Variants in PSME3IP1 observed in about 807,000 individuals in gnomAD.
PSME3IP1 encodes proteasome activator subunit 3 interacting protein 1.
In PSME3IP1, 13 loss-of-function variants were observed where a neutral mutation model predicts 34.1. The ratio of observed to expected loss-of-function variants is 0.38; its 90% CI spans 0.25 to 0.61. The LOEUF is 0.61. PSME3IP1 is among the 20% of genes least tolerant of loss of function. The pLI is 0.60. For missense variants in PSME3IP1, 237 were observed against 301.4 expected (o/e 0.79, Z 1.58); for synonymous variants, 93 against 114.3 (o/e 0.81, Z 1.19).
chr16:57,162,520 C>T (rs1466677210), intron 6 of PSME3IP1, among the ~76,000 whole-genome samples: 2 of 151,682 alleles, frequency 1.3e-5, no homozygotes, highest in African/African-American at 4.8e-5. Context: ...CAAAAATTAG[C>T]TGGGCGTGGT....
chr16:57,185,694 C>A lies in PSME3IP1; in HGVS notation c.-16+127G>T, dbSNP rs1238379263. ...AGCCCCAGGCTTCGGCTACTCCGGA[C>A]AAGGAGCGGGTGCGCGGACTGAGAA... On this transcript the variant is annotated intron_variant, in intron 1 of 6. Coordinates refer to ENST00000309137, the MANE Select transcript of PSME3IP1 (RefSeq NM_024946.4). The A allele has an allele frequency of 7.1e-6, 7 of 985,446 alleles. No individual in the cohort carries two copies. The African/African-American group carries it at 1.2e-4, about 17-fold the overall frequency. The allele number at this position is 985,446 out of a possible 1,614,324, so 61.0% of individuals were successfully genotyped here.
chr16:57,161,573 G>A (rs1349569277), intron 6 of PSME3IP1, among the ~76,000 whole-genome samples: 9 of 144,268 alleles, frequency 6.2e-5, no homozygotes, highest in Middle Eastern at 3.7e-3. Context: ...GTGCAGTGGC[G>A]TGATCTCTGC....
In PSME3IP1 at chr16:57,182,563, A is replaced by C. The variant is rs562811221; in HGVS notation, c.-16+3258T>G. ...TACCCATTTCCCTTAAAAAAAAAAAAAAAAAAAAAAAAACTTTGCATTACA... is the reference window on the plus strand; with the variant it reads ...TACCCATTTCCCTTAAAAAAAAAAACAAAAAAAAAAAAACTTTGCATTACA... On this transcript the variant is annotated intron_variant, in intron 1 of 6. Transcript: ENST00000309137. 6.5e-4 allele frequency among the ~76,000 whole-genome samples: 98 copies of C among 150,510 alleles called. 1 individual carries two copies. In the East Asian group the frequency reaches 0.015, roughly 24 times the overall value.
At chr16:57,182,867 G>A (rs1050111359) in intron 1 of PSME3IP1, among the ~76,000 whole-genome samples, 2 of 152,100 alleles carry the variant, frequency 1.3e-5, no homozygotes, top group South Asian at 4.1e-4. Flanking sequence ...CCGAGATCGC[G>A]CCACTGCACT....
Position 57,172,584 on chromosome 16 carries a change from T to C in PSME3IP1, c.226+192A>G, listed in dbSNP as rs1385602002. On this transcript the variant is annotated intron_variant, in intron 3 of 6. Transcript: ENST00000309137. The stretch of plus-strand genomic sequence containing the variant: ...TATTACCATAGAATTAAAATGGGTG[T>C]TTTGAGCTCTAAACAAAAATATTCA... Among the ~76,000 whole-genome samples the C allele has an allele frequency of 3.3e-5, 5 of 152,162 alleles. No homozygotes were observed. In the East Asian group the frequency reaches 9.6e-4, roughly 29 times the overall value.
At position 57,154,524 on chromosome 16, in the gene PSME3IP1, A is replaced by G; in HGVS notation, c.548-17T>C. 6.3e-7 allele frequency: 1 copy of G among 1,580,598 alleles called. No individual in the cohort carries two copies. The highest frequency in any genetic ancestry group is 8.6e-7 in the Non-Finnish European group (1 of 1,161,452). On this transcript the variant is annotated splice_polypyrimidine_tract_variant and intron_variant, in intron 6 of 6. Coordinates refer to ENST00000309137, the MANE Select transcript of PSME3IP1 (RefSeq NM_024946.4). This position sits in a 1 kb window ranked among gnomAD's most constrained non-coding sequence, Gnocchi z 4.0. Reference sequence around the variant, plus strand: ...ATGAGGGCTCTGCAATAAAAGGGGAAAGACTGTCACTTCATCACCCTTTTC... The same window carrying G: ...ATGAGGGCTCTGCAATAAAAGGGGAGAGACTGTCACTTCATCACCCTTTTC...
chr16:57,168,999 T>C (rs1346133319), intron 4 of PSME3IP1, among the ~76,000 whole-genome samples: 1 of 152,028 alleles, frequency 6.6e-6, no homozygotes, highest in Non-Finnish European at 1.5e-5. Context: ...ATTTATACAT[T>C]ATTTATACCA....
In PSME3IP1 at chr16:57,153,097, T is replaced by A. The variant is rs187302025; in HGVS notation, c.*1193A>T. Reference sequence around the variant, plus strand: ...ATGCTTATTCTAAAGCAGGAGAGCCTACAGATTGTTGTCAAAGCTCATGTC... The same window carrying A: ...ATGCTTATTCTAAAGCAGGAGAGCCAACAGATTGTTGTCAAAGCTCATGTC... On this transcript the variant is annotated 3_prime_UTR_variant, in exon 7 of 7. Transcript: ENST00000309137. The A allele has an allele frequency of 9.2e-5, 14 of 152,808 alleles. No homozygotes were observed. The East Asian group carries it at 2.3e-3, about 25-fold the overall frequency. The allele number at this position is 152,808 out of a possible 1,614,324, so 9.5% of individuals were successfully genotyped here. A position where few individuals can be genotyped will look rare whatever the true frequency, so the allele number is the denominator to read the frequency against.
At chr16:57,178,817 A>G (rs1385257271) in intron 1 of PSME3IP1, 2 of 985,504 alleles carry the variant, frequency 2.0e-6, no homozygotes, top group Non-Finnish European at 2.4e-6. Context: ...TGATGGAGAC[A>G]GCGTTTTTGT....
chr16:57,179,924 A>C (rs2073538319), intron 1 of PSME3IP1, among the ~76,000 whole-genome samples: 1 of 152,244 alleles, frequency 6.6e-6, no homozygotes, highest in Non-Finnish European at 1.5e-5. Context: ...TATTTCAAAT[A>C]AAGACTTATT....
chr16:57,171,185 C>A (rs920819740), intron 4 of PSME3IP1, among the ~76,000 whole-genome samples: 13 of 152,136 alleles, frequency 8.5e-5, no homozygotes, highest in African/African-American at 3.1e-4. Context: ...CTTGCAAAAT[C>A]TGAGGGCAGA....
chr16:57,154,382 C>CG lies in PSME3IP1; in HGVS notation c.672dup (p.Glu225ArgfsTer53), dbSNP rs1159307995. On this transcript the variant is annotated frameshift_variant, in exon 7 of 7. Coordinates refer to ENST00000309137, the MANE Select transcript of PSME3IP1 (RefSeq NM_024946.4). LOFTEE classifies it high-confidence loss of function. The surrounding 1 kb of genome is among the most constrained non-coding windows in gnomAD (Gnocchi z 4.0). ...GTGCCTTCGCTGTCTGAGCTGGACTCGGAGTCGCTGCTCCCAGAGTAGGCA... is the reference window on the plus strand; with the variant it reads ...GTGCCTTCGCTGTCTGAGCTGGACTCGGGAGTCGCTGCTCCCAGAGTAGGCA... 2 of 1,613,930 alleles carry CG rather than the reference C, an allele frequency of 1.2e-6. No individual in the cohort carries two copies. The highest frequency in any genetic ancestry group is 2.2e-5 in the East Asian group (1 of 44,880).
At position 57,154,276 on chromosome 16, in the gene PSME3IP1, T is replaced by C. The variant is rs758773472; in HGVS notation, c.*14A>G. On this transcript the variant is annotated 3_prime_UTR_variant, in exon 7 of 7. Coordinates refer to ENST00000309137, the MANE Select transcript of PSME3IP1 (RefSeq NM_024946.4). The surrounding 1 kb of genome is among the most constrained non-coding windows in gnomAD (Gnocchi z 4.0). ...TACCCTTGGGGAGGAGCTCCCTGTG[T>C]AGGGACGGAGAAACTAGGGGGCCTC... 5.0e-6 allele frequency: 8 copies of C among 1,610,298 alleles called. No homozygotes were observed. The highest frequency in any genetic ancestry group is 5.1e-6 in the Non-Finnish European group (6 of 1,176,886).
chr16:57,170,215 T>A (rs1382915210), intron 4 of PSME3IP1, among the ~76,000 whole-genome samples: 5 of 152,024 alleles, frequency 3.3e-5, no homozygotes, highest in African/African-American at 7.3e-5. Context: ...CCTGAGTAGT[T>A]GGGACTACAG....
chr16:57,167,067 T>C lies in PSME3IP1; in HGVS notation c.482+26A>G, dbSNP rs200129673. 1.1e-3 allele frequency: 1,843 copies of C among 1,611,720 alleles called. 7 individuals carry two copies. The highest frequency in any genetic ancestry group is 9.3e-4 in the Non-Finnish European group (1,095 of 1,179,714). Reference sequence around the variant, plus strand: ...TTCAGAGTACACGGTCAGAGAGAAATCTGAGTTGTGTGAGTGCTGACTAAC... The same window carrying C: ...TTCAGAGTACACGGTCAGAGAGAAACCTGAGTTGTGTGAGTGCTGACTAAC... On this transcript the variant is annotated intron_variant, in intron 5 of 6. Coordinates refer to ENST00000309137, the MANE Select transcript of PSME3IP1 (RefSeq NM_024946.4).
At chr16:57,179,026 A>G (rs2073450056) in intron 1 of PSME3IP1, among the ~76,000 whole-genome samples, 1 of 152,226 alleles carries the variant, frequency 6.6e-6, no homozygotes, top group Non-Finnish European at 1.5e-5. Flanking sequence ...TCAAAAGACA[A>G]ACAGCCCAGG....
At chr16:57,180,050 G>A (rs1184219926) in intron 1 of PSME3IP1, among the ~76,000 whole-genome samples, 3 of 152,126 alleles carry the variant, frequency 2.0e-5, no homozygotes, top group Admixed American at 6.5e-5. Flanking sequence ...CAGAGAGCCC[G>A]CTGTTAGTAT....
At chr16:57,157,006 A>G (rs1280997218) in intron 6 of PSME3IP1, among the ~76,000 whole-genome samples, 6 of 152,214 alleles carry the variant, frequency 3.9e-5, no homozygotes, top group African/African-American at 1.4e-4. Flanking sequence ...CTACTATTCA[A>G]CCATGAAGAA....
chr16:57,163,971 T>C, intron 6 of PSME3IP1, 30 bp downstream of exon 6: 1 of 1,606,640 alleles, frequency 6.2e-7, no homozygotes, highest in Non-Finnish European at 8.5e-7. Context: ...GTATTCTGAG[T>C]ACAAGGAAGT....
Sources: gnomAD v4.1 joint callset for allele counts (sites outside exome capture counted in the v4.1 genomes callset) on GRCh38, gnomAD v4.1.1 for gene constraint, Gnocchi (gnomAD v3.1) non-coding constraint, MANE v1.5 for transcripts, NCBI Gene and HGNC (gene_info 2026-07-23, HGNC 2026-07-21) for gene names.